The following CBR4 variants were observed in gnomAD, a reference collection of about 807,000 sequenced individuals.
The protein encoded by CBR4 is carbonyl reductase 4, also known as 3-oxoacyl-[acyl-carrier-protein] reductase.
Under a neutral mutation model 21.0 loss-of-function variants are expected in CBR4, and 22 were observed. That is an observed-to-expected ratio of 1.05 (90% CI 0.75 to 1.50). The LOEUF is 1.50. Ranked by LOEUF, CBR4 falls within the 40% of genes most tolerant of loss-of-function variation. The probability of loss-of-function intolerance (pLI) is 0.00; values close to 1 mark genes in which losing one functional copy is unlikely to be tolerated. For missense variants in CBR4, 302 were observed against 286.3 expected (o/e 1.05, Z -0.40); for synonymous variants, 100 against 104.4 (o/e 0.96, Z 0.26).
chr4:168,905,917 A>G (rs1757696587), intron 2 of CBR4, among the ~76,000 whole-genome samples: 2 of 150,740 alleles, frequency 1.3e-5, no homozygotes, highest in African/African-American at 4.9e-5. Flanking sequence ...CTTCTGCCTC[A>G]GCACCACCAC....
chr4:168,988,472 G>A lies in CBR4; in HGVS notation c.*1678C>T. 1.0e-6 allele frequency: 1 copy of A among 985,378 alleles called. No individual in the cohort carries two copies. The highest frequency in any genetic ancestry group is 1.2e-6 in the Non-Finnish European group (1 of 829,938). The allele number at this position is 985,378 out of a possible 1,614,324, so 61.0% of individuals were successfully genotyped here. A position where few individuals can be genotyped will look rare whatever the true frequency, so the allele number is the denominator to read the frequency against. ...CAGAGAAGAAAACTCAAGACTGAAT[G>A]GGCTGCCATAATGGGGAAGTACAGG... On this transcript the variant is annotated 3_prime_UTR_variant, in exon 5 of 5. Coordinates refer to ENST00000306193, the MANE Select transcript of CBR4 (RefSeq NM_032783.5).
rs1239568292 is a variant in CBR4 at position 168,921,698 on chromosome 4, C to T, written n.170-26933G>A. 1 of 1,611,622 alleles carries T rather than the reference C, an allele frequency of 6.2e-7. No homozygotes were observed. Among genetic ancestry groups the T allele is most frequent in the Non-Finnish European group, 8.5e-7 (1 of 1,179,822 alleles). On this transcript the variant is annotated intron_variant and non_coding_transcript_variant, in intron 2 of 3. Coordinates refer to the CBR4 transcript ENST00000509108. Reference sequence around the variant, plus strand: ...GCATCTACACATGTATAGCTACCAACCGAGCAGGACAGAACTCATTCAGCC... The same window carrying T: ...GCATCTACACATGTATAGCTACCAATCGAGCAGGACAGAACTCATTCAGCC...
intron 2 of CBR4, chr4:168,925,149 A>G (rs1342675057): frequency 3.1e-6 from 5 of 1,589,126 alleles, no homozygotes; most frequent in Non-Finnish European, 4.3e-6. Flanking sequence ...TCTGGACAGC[A>G]AATCACATTA....
intron 2 of CBR4, among the ~76,000 whole-genome samples, chr4:168,905,138 G>GTTTTTTGTTTTTTTTTTTT (rs1560894892): frequency 2.9e-5 from 1 of 34,524 alleles, no homozygotes; most frequent in Admixed American, 2.8e-4. Flanking sequence ...TGTTTTGTTG[G>GTTTTTTGTTTTTTTTTTTT]TTTTTTTTTT....
In CBR4 at chr4:168,903,796, A is replaced by T. The variant is rs1304907226; in HGVS notation, n.170-9031T>A. ...AGATGGGAAGCAGATCTCTCCAAAG[A>T]GTGATCACTACACCATTCAAAGAGA... On this transcript the variant is annotated intron_variant and non_coding_transcript_variant, in intron 2 of 3. Coordinates refer to the CBR4 transcript ENST00000509108. 1 of 1,612,102 alleles carries T rather than the reference A, an allele frequency of 6.2e-7. No individual in the cohort carries two copies. Among genetic ancestry groups the T allele is most frequent in the Admixed American group, 1.7e-5 (1 of 60,026 alleles).
In CBR4 at chr4:168,910,700, A is replaced by G. The variant is rs1292394202; in HGVS notation, n.170-15935T>C. Among the ~76,000 whole-genome samples, 3 of 152,192 alleles carry G rather than the reference A, an allele frequency of 2.0e-5. No individual in the cohort carries two copies. In the East Asian group the frequency reaches 5.8e-4, roughly 29 times the overall value. ...ATATGGCCTTGTTTTACAGAGAAGG[A>G]AACTTAGAAAGATTAAGTTACCTGC... On this transcript the variant is annotated intron_variant and non_coding_transcript_variant, in intron 2 of 3. Coordinates refer to the CBR4 transcript ENST00000509108.
chr4:168,982,152 T>C (rs1764564609), intron 2 of CBR4, among the ~76,000 whole-genome samples: 2 of 152,190 alleles, frequency 1.3e-5, no homozygotes, highest in Admixed American at 6.5e-5. Flanking sequence ...AAGACCCAAC[T>C]GTATGCTGTC....
intron 2 of CBR4, among the ~76,000 whole-genome samples, chr4:168,943,989 T>C (rs1344888691): frequency 6.6e-6 from 1 of 152,162 alleles, no homozygotes; most frequent in Non-Finnish European, 1.5e-5. Context: ...ACAGAAAGTA[T>C]TGAACAGGGA....
chr4:168,937,024 G>A (rs904227414), intron 2 of CBR4, among the ~76,000 whole-genome samples: 3 of 152,004 alleles, frequency 2.0e-5, no homozygotes, highest in Non-Finnish European at 4.4e-5. Flanking sequence ...AAATGTTATC[G>A]GCAGCCAGAG....
chr4:168,983,447 G>A (rs1764597945), downstream of CBR4, among the ~76,000 whole-genome samples: 1 of 151,910 alleles, frequency 6.6e-6, no homozygotes, highest in Non-Finnish European at 1.5e-5. Flanking sequence ...AAAAAGCCCT[G>A]GACAAGAAAG....
At chr4:168,943,217 A>G (rs1394422570) in intron 2 of CBR4, among the ~76,000 whole-genome samples, 1 of 152,184 alleles carries the variant, frequency 6.6e-6, no homozygotes, top group Non-Finnish European at 1.5e-5. Context: ...ACAACCCAAT[A>G]CAAAGCCGCT....
At chr4:168,905,138 G>GTTTT (rs777740588) in intron 2 of CBR4, among the ~76,000 whole-genome samples, 7 of 34,538 alleles carry the variant, frequency 2.0e-4, no homozygotes, top group Non-Finnish European at 3.5e-4. Flanking sequence ...TGTTTTGTTG[G>GTTTT]TTTTTTTTTT....
intron 4 of CBR4, among the ~76,000 whole-genome samples, chr4:168,993,899 G>A (rs974490145): frequency 3.9e-5 from 6 of 152,146 alleles, no homozygotes; most frequent in Non-Finnish European, 8.8e-5. Flanking sequence ...AAAACCACTG[G>A]ATTAGGACAC....
At chr4:168,965,782 T>C (rs1764005606) in intron 2 of CBR4, among the ~76,000 whole-genome samples, 1 of 152,090 alleles carries the variant, frequency 6.6e-6, no homozygotes, top group Admixed American at 6.5e-5. Context: ...ATATAAAACC[T>C]AACACCATAA....
chr4:168,923,349 A>T (rs1761957846), intron 2 of CBR4, among the ~76,000 whole-genome samples: 1 of 152,204 alleles, frequency 6.6e-6, no homozygotes. Context: ...GCTCTTTCCT[A>T]GCTGCTTTGC....
chr4:168,913,837 G>C (rs1415488393), intron 2 of CBR4: 26 of 897,782 alleles, frequency 2.9e-5, no homozygotes, highest in Non-Finnish European at 4.5e-5. Context: ...ATGAAATAAT[G>C]TCTTATAGAG....
At chr4:168,962,186 G>C (rs184137107) in intron 2 of CBR4, among the ~76,000 whole-genome samples, 1 of 152,028 alleles carries the variant, frequency 6.6e-6, no homozygotes, top group African/African-American at 2.4e-5. Flanking sequence ...AAATTAAAAG[G>C]TAAGTCAAAA....
intron 2 of CBR4, among the ~76,000 whole-genome samples, chr4:168,978,103 T>A (rs1421044960): frequency 6.6e-6 from 1 of 152,186 alleles, no homozygotes. Context: ...TCCAAAGATC[T>A]GCATCATCTA....
In CBR4 at chr4:169,010,071, C is replaced by A. The variant is rs768053071; in HGVS notation, c.19G>T (p.Val7Phe). The A allele has an allele frequency of 1.9e-6, 3 of 1,613,332 alleles. No individual in the cohort carries two copies. The East Asian group carries it at 6.7e-5, about 36-fold the overall frequency. ...CCAATGCCTCGGGAGCCTCCAAAAA[C>A]AGCACACACTTTGTCCATCTCGGAG... MDKVCA[V>F]FGGSRGIGRA... Residue 7 changes from valine (V) to phenylalanine (F), a missense_variant, in exon 1 of 5, where the codon GTT becomes TTT. Physicochemically the swap from Val to Phe is conservative, Grantham distance 50. Transcript: ENST00000306193.
Sources: allele counts gnomAD v4.1 joint callset (sites outside exome capture counted in the v4.1 genomes callset), GRCh38; gene constraint gnomAD v4.1.1; transcripts MANE v1.5; gene names NCBI Gene and HGNC (gene_info 2026-07-23, HGNC 2026-07-21).